The following IKZF1 variants were observed in gnomAD, a reference collection of about 807,000 sequenced individuals.
IKZF1 encodes DNA-binding protein Ikaros.
IKZF1 carries 10 observed loss-of-function variants against 51.7 expected under a neutral mutation model. That is an observed-to-expected ratio of 0.19 (90% CI 0.12 to 0.33). The LOEUF (loss-of-function observed/expected upper bound fraction) is 0.33. Ranked by LOEUF, IKZF1 falls within the 10% of genes least tolerant of loss-of-function variation. The pLI is 1.00. For synonymous variants in IKZF1, 280 were observed against 282.3 expected, an observed-to-expected ratio of 0.99 and a Z score of 0.08; for missense variants, 484 against 707.5, an observed-to-expected ratio of 0.68 and a Z score of 3.58.
At chr7:50,327,615 T>A (rs1457030748) in intron 2 of IKZF1, 23 bp from the exon 3 acceptor site, 2 of 1,594,586 alleles carry the variant, frequency 1.3e-6, no homozygotes, top group Non-Finnish European at 1.7e-6. Context: ...CGCCCGAGAC[T>A]CACACTTCTT....
intron 3 of IKZF1, among the ~76,000 whole-genome samples, chr7:50,372,242 G>A (rs1307422778): frequency 1.3e-5 from 2 of 152,184 alleles, no homozygotes; most frequent in African/African-American, 4.8e-5. Context: ...CACCCACTTT[G>A]CATTTTTCCG....
At chr7:50,307,243 A>T (rs1349846856) in intron 1 of IKZF1, among the ~76,000 whole-genome samples, 1 of 151,996 alleles carries the variant, frequency 6.6e-6, no homozygotes, top group Non-Finnish European at 1.5e-5. Flanking sequence ...TTCATCAAGG[A>T]TATCACTGTT....
At chr7:50,395,784 A>G (rs755101702) in intron 7 of IKZF1, among the ~76,000 whole-genome samples, 2 of 152,104 alleles carry the variant, frequency 1.3e-5, no homozygotes, top group Non-Finnish European at 2.9e-5. Context: ...TATTTCTATC[A>G]TTGTATTGTT....
At chr7:50,374,774 T>A (rs1273654212) in intron 3 of IKZF1, among the ~76,000 whole-genome samples, 1 of 152,240 alleles carries the variant, frequency 6.6e-6, no homozygotes, top group Non-Finnish European at 1.5e-5. Flanking sequence ...AGAAGTTACA[T>A]GACTTGCCTA....
At chr7:50,390,565 G>C (rs1401373933) in intron 6 of IKZF1, among the ~76,000 whole-genome samples, 1 of 152,206 alleles carries the variant, frequency 6.6e-6, no homozygotes, top group African/African-American at 2.4e-5. Context: ...GCAAGCCATA[G>C]TGAGGCAAGA....
chr7:50,312,160 A>G (rs142076336), intron 1 of IKZF1, among the ~76,000 whole-genome samples: 99 of 152,350 alleles, frequency 6.5e-4, no homozygotes, highest in Non-Finnish European at 1.2e-3. Context: ...AACTTAAGTG[A>G]TGAAGTGTGA....
intron 1 of IKZF1, among the ~76,000 whole-genome samples, chr7:50,314,891 C>T (rs1791117488): frequency 6.6e-6 from 1 of 152,228 alleles, no homozygotes; most frequent in African/African-American, 2.4e-5. Flanking sequence ...TGTTTCTCCC[C>T]AGGGGACAGC....
intron 7 of IKZF1, among the ~76,000 whole-genome samples, chr7:50,392,751 A>G (rs1425021424): frequency 6.6e-6 from 1 of 152,202 alleles, no homozygotes; most frequent in African/African-American, 2.4e-5. Context: ...TGAGGCTGAG[A>G]TGCACTTTGG....
In IKZF1 at chr7:50,401,707, G is replaced by A. The variant is rs773118958; in HGVS notation, c.*1080G>A. The A allele has an allele frequency of 2.7e-5, 6 of 218,372 alleles. No individual in the cohort carries two copies. The highest frequency in any genetic ancestry group is 4.6e-5 in the Non-Finnish European group (5 of 108,746). 13.5% of individuals were successfully genotyped at this position (218,372 alleles called of 1,614,324 possible). A position where few individuals can be genotyped will look rare whatever the true frequency, so the allele number is the denominator to read the frequency against. ...AGCCTGAATTTCTCAGTGTTGGTAAGTTTCTTTACCTACCCTCACTATATA... is the reference window on the plus strand; with the variant it reads ...AGCCTGAATTTCTCAGTGTTGGTAAATTTCTTTACCTACCCTCACTATATA... On this transcript the variant is annotated 3_prime_UTR_variant, in exon 8 of 8. Coordinates refer to ENST00000331340, the MANE Select transcript of IKZF1 (RefSeq NM_006060.6).
intron 3 of IKZF1, among the ~76,000 whole-genome samples, chr7:50,366,287 A>G (rs1047783948): frequency 6.6e-6 from 1 of 152,238 alleles, no homozygotes; most frequent in Non-Finnish European, 1.5e-5. Context: ...GTCTAATAAT[A>G]TATTACAGTA....
chr7:50,383,778 G>T (rs1812547892), intron 5 of IKZF1, among the ~76,000 whole-genome samples: 1 of 152,230 alleles, frequency 6.6e-6, no homozygotes, highest in Non-Finnish European at 1.5e-5. Flanking sequence ...ACCCACCCTG[G>T]GTAGCAGGAT....
At chr7:50,398,939 T>G (rs942249748) in intron 7 of IKZF1, among the ~76,000 whole-genome samples, 2 of 152,224 alleles carry the variant, frequency 1.3e-5, no homozygotes, top group African/African-American at 4.8e-5. Context: ...AGAAAATTTA[T>G]TTTTTGTATT....
At chr7:50,336,675 C>T (rs898374261) in intron 3 of IKZF1, among the ~76,000 whole-genome samples, 4 of 152,182 alleles carry the variant, frequency 2.6e-5, no homozygotes, top group East Asian at 1.9e-4. Flanking sequence ...CCCTTTGAGG[C>T]GGTTCCATCC....
intron 3 of IKZF1, among the ~76,000 whole-genome samples, chr7:50,350,611 C>T (rs146917510): frequency 7.2e-5 from 11 of 152,214 alleles, no homozygotes; most frequent in African/African-American, 2.2e-4. Flanking sequence ...ACTCTAACGA[C>T]GACCTCACCT....
chr7:50,363,847 C>T (rs1805994433), intron 3 of IKZF1, among the ~76,000 whole-genome samples: 1 of 152,240 alleles, frequency 6.6e-6, no homozygotes, highest in African/African-American at 2.4e-5. Context: ...CATCCACCTC[C>T]ACCTTGCTGT....
At chr7:50,316,359 A>C (rs1584416887) in intron 1 of IKZF1, among the ~76,000 whole-genome samples, 2 of 152,374 alleles carry the variant, frequency 1.3e-5, no homozygotes, top group African/African-American at 4.8e-5. Context: ...AATGTGGTTG[A>C]AATTGTGTAT....
chr7:50,348,241 T>G (rs891081841), intron 3 of IKZF1, among the ~76,000 whole-genome samples: 1 of 152,190 alleles, frequency 6.6e-6, no homozygotes, highest in African/African-American at 2.4e-5. Flanking sequence ...GTCAGAAAAA[T>G]AAATTCTTTG....
chr7:50,357,975 G>A (rs917599418), intron 3 of IKZF1, among the ~76,000 whole-genome samples: 1 of 152,150 alleles, frequency 6.6e-6, no homozygotes, highest in African/African-American at 2.4e-5. Flanking sequence ...TGCTTCAAGG[G>A]TTAACAAAGT....
chr7:50,394,375 G>A (rs1816079748), intron 7 of IKZF1: 1 of 233,236 alleles, frequency 4.3e-6, no homozygotes, highest in Non-Finnish European at 8.5e-6. Flanking sequence ...GAGTCTCTGA[G>A]GCCCCTCTCC....
Sources: allele counts gnomAD v4.1 joint callset (sites outside exome capture counted in the v4.1 genomes callset), GRCh38; gene constraint gnomAD v4.1.1; transcripts MANE v1.5; gene names NCBI Gene and HGNC (gene_info 2026-07-23, HGNC 2026-07-21).